Variants in KIAA1328 observed in about 807,000 individuals in gnomAD.
KIAA1328 encodes protein hinderin.
Under a neutral mutation model 68.1 loss-of-function variants are expected in KIAA1328, and 52 were observed. The ratio of observed to expected loss-of-function variants is 0.76; its 90% CI spans 0.61 to 0.96. KIAA1328 has a LOEUF of 0.96. Ranked by LOEUF, KIAA1328 falls within the 40% of genes least tolerant of loss-of-function variation. The pLI, the probability that KIAA1328 is intolerant of heterozygous loss-of-function variation, is 0.00. For missense variants in KIAA1328, 641 were observed against 677.6 expected (o/e 0.95, Z 0.60); for synonymous variants, 232 against 239.4 (o/e 0.97, Z 0.28).
intron 3 of KIAA1328, among the ~76,000 whole-genome samples, chr18:36,837,051 T>A (rs1024055890): frequency 2.6e-5 from 4 of 152,186 alleles, no homozygotes. Flanking sequence ...GAATAATTCT[T>A]CCATGATCAT....
chr18:36,887,479 A>G (rs1341796737), intron 5 of KIAA1328, among the ~76,000 whole-genome samples: 2 of 152,076 alleles, frequency 1.3e-5, no homozygotes, highest in Non-Finnish European at 2.9e-5. Context: ...TGGTTGCTCC[A>G]ATTCTAGGCA....
At chr18:37,187,086 C>G (rs1237128880) in intron 9 of KIAA1328, among the ~76,000 whole-genome samples, 2 of 151,998 alleles carry the variant, frequency 1.3e-5, no homozygotes, top group Non-Finnish European at 2.9e-5. Context: ...ATCGCTTGAG[C>G]CTGGGAAGCA....
chr18:36,852,880 A>T (rs1182259886), intron 4 of KIAA1328, among the ~76,000 whole-genome samples: 1 of 152,096 alleles, frequency 6.6e-6, no homozygotes, highest in Non-Finnish European at 1.5e-5. Context: ...TTCTGTCTGG[A>T]TGTTCTATAT....
intron 7 of KIAA1328, among the ~76,000 whole-genome samples, chr18:37,115,860 T>C (rs1236637067): frequency 6.6e-6 from 1 of 152,298 alleles, no homozygotes; most frequent in South Asian, 2.1e-4. Context: ...AGCATTCCTA[T>C]ACAGCAATAA....
At chr18:37,056,805 C>A (rs1404929157) in intron 6 of KIAA1328, among the ~76,000 whole-genome samples, 1 of 152,114 alleles carries the variant, frequency 6.6e-6, no homozygotes. Flanking sequence ...AGTGCACCAC[C>A]ATGCCTGGCT....
chr18:36,954,050 C>T (rs1257840399), intron 5 of KIAA1328, among the ~76,000 whole-genome samples: 1 of 135,448 alleles, frequency 7.4e-6, no homozygotes, highest in Non-Finnish European at 1.5e-5. Flanking sequence ...GGCCGGACTG[C>T]GGACTGCAGT....
chr18:37,101,222 C>T (rs532343549), intron 7 of KIAA1328, among the ~76,000 whole-genome samples: 39 of 152,094 alleles, frequency 2.6e-4, no homozygotes, highest in Admixed American at 5.9e-4. Context: ...CTACTCTGAG[C>T]TAAAGGAGGA....
At chr18:37,004,850 C>T (rs1435481123) in intron 6 of KIAA1328, among the ~76,000 whole-genome samples, 1 of 152,048 alleles carries the variant, frequency 6.6e-6, no homozygotes, top group Non-Finnish European at 1.5e-5. Context: ...GGAACCAGCC[C>T]AGATGCCCAT....
At chr18:37,187,874 T>C (rs563372199) in intron 9 of KIAA1328, among the ~76,000 whole-genome samples, 1 of 152,178 alleles carries the variant, frequency 6.6e-6, no homozygotes, top group Non-Finnish European at 1.5e-5. Context: ...ACCACAGTCA[T>C]GTACTTAGTG....
chr18:36,852,918 C>G (rs184870805), intron 4 of KIAA1328, among the ~76,000 whole-genome samples: 2 of 152,220 alleles, frequency 1.3e-5, no homozygotes, highest in East Asian at 1.9e-4. Context: ...ATTTAATTCT[C>G]TATTATTCTA....
intron 4 of KIAA1328, among the ~76,000 whole-genome samples, chr18:36,862,224 G>A (rs1036262370): frequency 2.0e-5 from 3 of 152,138 alleles, no homozygotes; most frequent in South Asian, 2.1e-4. Flanking sequence ...AATTTTACAT[G>A]TATTTATTTG....
intron 6 of KIAA1328, among the ~76,000 whole-genome samples, chr18:36,988,084 G>T (rs1413316709): frequency 6.6e-6 from 1 of 152,054 alleles, no homozygotes; most frequent in African/African-American, 2.4e-5. Context: ...TATGTTTAAT[G>T]ACACATTACA....
At chr18:37,194,701 C>T (rs1223981203) in intron 9 of KIAA1328, among the ~76,000 whole-genome samples, 3 of 152,144 alleles carry the variant, frequency 2.0e-5, no homozygotes, top group Non-Finnish European at 2.9e-5. Flanking sequence ...GTCTCTGTCG[C>T]CCAGGCTGGA....
chr18:37,058,986 TTC>T (rs1233328540), intron 6 of KIAA1328, among the ~76,000 whole-genome samples: 3 of 152,072 alleles, frequency 2.0e-5, no homozygotes, highest in Non-Finnish European at 1.5e-5. Flanking sequence ...TTGTAAACAT[TTC>T]TCTGTTTATT....
At chr18:36,922,134 G>T (rs2049951273) in intron 5 of KIAA1328, among the ~76,000 whole-genome samples, 1 of 151,596 alleles carries the variant, frequency 6.6e-6, no homozygotes, top group Non-Finnish European at 1.5e-5. Flanking sequence ...ATTTTCTCTT[G>T]AAGATTACCT....
chr18:36,956,037 A>G (rs1175946190), intron 5 of KIAA1328, among the ~76,000 whole-genome samples: 1 of 152,112 alleles, frequency 6.6e-6, no homozygotes, highest in East Asian at 1.9e-4. Context: ...TCTCTCACAC[A>G]GTTTTTATTC....
chr18:37,106,600 A>T lies in KIAA1328; in HGVS notation c.1232+39055A>T, dbSNP rs951380442. Among the ~76,000 whole-genome samples the T allele has an allele frequency of 2.6e-5, 4 of 151,694 alleles. No homozygotes were observed. In the South Asian group the frequency reaches 6.3e-4, roughly 24 times the overall value. ...CGCCTGGCTCCTTTTTGTATTTTTG[A>T]TAGAGACTGGGTTTCACCATGTTGG... On this transcript the variant is annotated intron_variant, in intron 7 of 9. Transcript: ENST00000280020.
chr18:37,053,973 A>C (rs1011131837), intron 6 of KIAA1328, among the ~76,000 whole-genome samples: 4 of 152,116 alleles, frequency 2.6e-5, no homozygotes, highest in Non-Finnish European at 5.9e-5. Context: ...GAAAAAAAAA[A>C]AAACATTAAA....
At position 37,225,269 on chromosome 18, in the gene KIAA1328, T is replaced by C; in HGVS notation, c.*3042T>C. 1 of 985,454 alleles carries C rather than the reference T, an allele frequency of 1.0e-6. No individual in the cohort carries two copies. 61.0% of individuals were successfully genotyped at this position (985,454 alleles called of 1,614,324 possible). A position where few individuals can be genotyped will look rare whatever the true frequency, so the allele number is the denominator to read the frequency against. On this transcript the variant is annotated 3_prime_UTR_variant, in exon 10 of 10. Coordinates refer to ENST00000280020, the MANE Select transcript of KIAA1328 (RefSeq NM_020776.3). ...CTCAGCTCAGAGTGTATTTTGAATA[T>C]GAGCAAATGTTTATGTACGTATGAG...
Sources: gnomAD v4.1 joint callset for allele counts (sites outside exome capture counted in the v4.1 genomes callset) on GRCh38, gnomAD v4.1.1 for gene constraint, MANE v1.5 for transcripts, NCBI Gene and HGNC (gene_info 2026-07-23, HGNC 2026-07-21) for gene names.